Variants in PTPRD observed in about 807,000 individuals in gnomAD.
The protein encoded by PTPRD is protein tyrosine phosphatase receptor type D.
A neutral mutation model predicts 214.5 loss-of-function variants in PTPRD; 34 were observed. The ratio of observed to expected loss-of-function variants is 0.16; its 90% CI spans 0.12 to 0.21. The LOEUF is 0.21. PTPRD is among the 10% of genes least tolerant of loss of function. PTPRD has a pLI of 1.00. For synonymous variants in PTPRD, 1,128 were observed against 845.7 expected, an observed-to-expected ratio of 1.33 and a Z score of -5.79; for missense variants, 2,545 against 2,398.7, an observed-to-expected ratio of 1.06 and a Z score of -1.27.
At chr9:9,169,769 G>C (rs2099911015) in intron 10 of PTPRD, among the ~76,000 whole-genome samples, 1 of 152,122 alleles carries the variant, frequency 6.6e-6, no homozygotes, top group African/African-American at 2.4e-5. Flanking sequence ...AAAGGCATCT[G>C]TAGTCTAAGG....
intron 9 of PTPRD, among the ~76,000 whole-genome samples, chr9:9,292,845 TTTTG>T (rs1012274344): frequency 1.8e-4 from 26 of 147,298 alleles, no homozygotes; most frequent in South Asian, 4.3e-4. Context: ...TTCTGAGCTT[TTTTG>T]TTTGTTTGTT....
At chr9:9,062,388 T>C (rs1177603102) in intron 10 of PTPRD, among the ~76,000 whole-genome samples, 1 of 152,224 alleles carries the variant, frequency 6.6e-6, no homozygotes, top group Non-Finnish European at 1.5e-5. Flanking sequence ...ACATACCTTG[T>C]GGCTGATGGA....
intron 11 of PTPRD, among the ~76,000 whole-genome samples, chr9:8,936,705 T>C (rs908610820): frequency 6.6e-6 from 1 of 152,186 alleles, no homozygotes; most frequent in African/African-American, 2.4e-5. Flanking sequence ...TTTGATATCA[T>C]TGGCTTAATT....
At chr9:8,614,087 C>G (rs58151168) in intron 14 of PTPRD, among the ~76,000 whole-genome samples, 14,560 of 151,864 alleles carry the variant, frequency 0.096, 833 homozygotes, top group South Asian at 0.18. Context: ...TACTGTCATT[C>G]AGATGTGAAT....
chr9:9,859,993 A>G (rs1294424876), intron 5 of PTPRD, among the ~76,000 whole-genome samples: 4 of 152,138 alleles, frequency 2.6e-5, no homozygotes, highest in African/African-American at 9.7e-5. Context: ...AACAACAACA[A>G]ACTCCTCTGG....
At chr9:9,265,664 A>AT (rs1434466551) in intron 9 of PTPRD, among the ~76,000 whole-genome samples, 2 of 151,530 alleles carry the variant, frequency 1.3e-5, no homozygotes, top group East Asian at 3.9e-4. Context: ...GTCTAATCCT[A>AT]TTTTTTATGT....
intron 7 of PTPRD, among the ~76,000 whole-genome samples, chr9:9,624,616 C>G (rs569811496): frequency 6.6e-6 from 1 of 151,904 alleles, no homozygotes; most frequent in Non-Finnish European, 1.5e-5. Flanking sequence ...TTTTAACCAC[C>G]ATAACTATTT....
chr9:10,440,706 T>C (rs763909494), intron 2 of PTPRD, among the ~76,000 whole-genome samples: 7 of 151,752 alleles, frequency 4.6e-5, no homozygotes, highest in Non-Finnish European at 7.4e-5. Context: ...GAGCCAATAA[T>C]ATGAAATAAT....
At chr9:10,345,230 A>G (rs2097049308) in intron 2 of PTPRD, among the ~76,000 whole-genome samples, 1 of 152,166 alleles carries the variant, frequency 6.6e-6, no homozygotes, top group Non-Finnish European at 1.5e-5. Flanking sequence ...CTCAATTTAC[A>G]CATGGAAATA....
chr9:10,117,224 CA>C (rs2098737406), intron 3 of PTPRD, among the ~76,000 whole-genome samples: 1 of 151,980 alleles, frequency 6.6e-6, no homozygotes, highest in Non-Finnish European at 1.5e-5. Context: ...GGCAAGAAAA[CA>C]GAGTAAATTG....
chr9:9,835,408 C>T (rs1217392961), intron 5 of PTPRD, among the ~76,000 whole-genome samples: 2 of 152,058 alleles, frequency 1.3e-5, no homozygotes, highest in African/African-American at 4.8e-5. Context: ...CAAAAGAAGG[C>T]TTTCTAACTT....
chr9:8,693,432 C>T (rs1434265), intron 12 of PTPRD, among the ~76,000 whole-genome samples: 42,927 of 152,106 alleles, frequency 0.28, 7,041 homozygotes, highest in African/African-American at 0.44. Flanking sequence ...TGTATCCTAG[C>T]AACTCATGGC....
At chr9:9,787,626 T>C (rs979248907) in intron 5 of PTPRD, among the ~76,000 whole-genome samples, 1 of 151,870 alleles carries the variant, frequency 6.6e-6, no homozygotes, top group Non-Finnish European at 1.5e-5. Context: ...TAAAAGGGAT[T>C]TGGGACACCC....
At chr9:8,792,393 C>T (rs533796706) in intron 11 of PTPRD, among the ~76,000 whole-genome samples, 6 of 152,264 alleles carry the variant, frequency 3.9e-5, no homozygotes, top group East Asian at 3.9e-4. Flanking sequence ...CTAGTTTATA[C>T]GGAGCCAAGG....
intron 5 of PTPRD, among the ~76,000 whole-genome samples, chr9:9,858,670 T>C (rs879336879): frequency 2.6e-5 from 4 of 152,240 alleles, no homozygotes; most frequent in Middle Eastern, 3.4e-3. Context: ...GCTTACAGGG[T>C]TGTATATAAA....
At chr9:8,771,121 C>G (rs2095173216) in intron 11 of PTPRD, among the ~76,000 whole-genome samples, 1 of 149,470 alleles carries the variant, frequency 6.7e-6, no homozygotes, top group Admixed American at 6.7e-5. Flanking sequence ...GCAGAGCTTG[C>G]AGTGAGCCGA....
At chr9:10,425,612 G>C (rs1025930622) in intron 2 of PTPRD, among the ~76,000 whole-genome samples, 12 of 151,878 alleles carry the variant, frequency 7.9e-5, no homozygotes, top group Admixed American at 5.3e-4. Context: ...ATCATCTCTG[G>C]ATTCTGTTGT....
At chr9:10,278,887 G>T (rs545752138) in intron 3 of PTPRD, among the ~76,000 whole-genome samples, 215 of 152,078 alleles carry the variant, frequency 1.4e-3, no homozygotes, top group African/African-American at 4.7e-3. Context: ...CCATTCTCCT[G>T]CCTCAGCCTC....
intron 5 of PTPRD, among the ~76,000 whole-genome samples, chr9:9,810,433 T>C (rs1198160322): frequency 6.6e-6 from 1 of 152,066 alleles, no homozygotes; most frequent in African/African-American, 2.4e-5. Flanking sequence ...CTGGTGACCA[T>C]AGGTTGAATC....
Sources: gnomAD v4.1 joint callset for allele counts (sites outside exome capture counted in the v4.1 genomes callset) on GRCh38, gnomAD v4.1.1 for gene constraint, MANE v1.5 for transcripts, NCBI Gene and HGNC (gene_info 2026-07-23, HGNC 2026-07-21) for gene names.